Variants in GBE1 observed in about 807,000 individuals in gnomAD.
GBE1 encodes the protein 1,4-alpha-glucan branching enzyme 1, also known as 1,4-alpha-glucan-branching enzyme.
A neutral mutation model predicts 88.8 loss-of-function variants in GBE1; 70 were observed. That is an observed-to-expected ratio of 0.79 (90% CI 0.65 to 0.96). The LOEUF is 0.96. GBE1 is among the 40% of genes least tolerant of loss of function. The pLI is 0.00. For synonymous variants in GBE1, 284 were observed against 300.1 expected, an observed-to-expected ratio of 0.95 and a Z score of 0.56; for missense variants, 872 against 871.0, an observed-to-expected ratio of 1.00 and a Z score of -0.01.
chr3:81,495,654 G>A (rs1446459218), intron 15 of GBE1, among the ~76,000 whole-genome samples: 1 of 151,998 alleles, frequency 6.6e-6, no homozygotes, highest in Non-Finnish European at 1.5e-5. Flanking sequence ...ATGTATATTA[G>A]CTCATCTAAC....
At position 81,614,154 on chromosome 3, in the gene GBE1, A is replaced by G. The variant is rs1176178701; in HGVS notation, c.993-20131T>C. Among the ~76,000 whole-genome samples the G allele has an allele frequency of 3.3e-5, 5 of 152,192 alleles. No homozygotes were observed. The East Asian group carries it at 7.7e-4, about 23-fold the overall frequency. ...CTCAGCCTCCCAAGTAGTTGGGACT[A>G]CAGGTGCACACCACCACTCTTGCTT... On this transcript the variant is annotated intron_variant, in intron 7 of 15. Coordinates refer to ENST00000429644, the MANE Select transcript of GBE1 (RefSeq NM_000158.4).
intron 7 of GBE1, chr3:81,612,396 T>C (rs1323984528): frequency 2.4e-6 from 2 of 833,800 alleles, no homozygotes; most frequent in Non-Finnish European, 4.0e-6. Context: ...TGAAATTCTT[T>C]GGGAATAATT....
intron 3 of GBE1, among the ~76,000 whole-genome samples, chr3:81,664,311 GAGA>G (rs1226791516): frequency 6.6e-6 from 1 of 152,026 alleles, no homozygotes; most frequent in Non-Finnish European, 1.5e-5. Context: ...ATAAGTTTGA[GAGA>G]AGAAGTGGAA....
At position 81,693,443 on chromosome 3, in the gene GBE1, A is replaced by T. The variant is rs186706402; in HGVS notation, c.313+12001T>A. ...TCACATAATGGCCACAACTACTTATAATAACATCAAAATTTCAATTTAATG... is the reference window on the plus strand; with the variant it reads ...TCACATAATGGCCACAACTACTTATTATAACATCAAAATTTCAATTTAATG... On this transcript the variant is annotated intron_variant, in intron 2 of 15. Coordinates refer to ENST00000429644, the MANE Select transcript of GBE1 (RefSeq NM_000158.4). Among the ~76,000 whole-genome samples, 3 of 152,262 alleles carry T rather than the reference A, an allele frequency of 2.0e-5. No homozygotes were observed. The East Asian group carries it at 5.8e-4, about 29-fold the overall frequency.
chr3:81,502,336 T>C (rs970862914), intron 14 of GBE1, among the ~76,000 whole-genome samples: 10 of 152,172 alleles, frequency 6.6e-5, no homozygotes, highest in Non-Finnish European at 1.0e-4. Context: ...ATATAATTGG[T>C]AGCCATAAAG....
intron 3 of GBE1, among the ~76,000 whole-genome samples, chr3:81,666,958 T>C (rs1051671607): frequency 1.3e-5 from 2 of 152,210 alleles, no homozygotes; most frequent in South Asian, 2.1e-4. Flanking sequence ...AAAAGACTTA[T>C]AGTATTTAGA....
At chr3:81,643,153 T>C (rs1704714857) in intron 6 of GBE1, among the ~76,000 whole-genome samples, 163 bp from the exon 7 acceptor site, 1 of 152,160 alleles carries the variant, frequency 6.6e-6, no homozygotes, top group South Asian at 2.1e-4. Flanking sequence ...ATATCAAATA[T>C]TAAGCAAATT....
At chr3:81,701,554 G>A (rs1705686530) in intron 2 of GBE1, among the ~76,000 whole-genome samples, 1 of 151,704 alleles carries the variant, frequency 6.6e-6, no homozygotes, top group African/African-American at 2.4e-5. Context: ...CTGTAGCACT[G>A]ATTAAGGTAC....
chr3:81,750,645 GTATATATATATATGTATA>G lies in GBE1; in HGVS notation c.143+10712_143+10729del, dbSNP rs1298148254. ...TATATATATACGTATATATATATATGTATATATATATATGTATATATATATATACGTATATATATATAT... is the reference window on the plus strand; with the variant it reads ...TATATATATACGTATATATATATATGTATATATATACGTATATATATATAT... On this transcript the variant is annotated intron_variant, in intron 1 of 15. Transcript: ENST00000429644. Among the ~76,000 whole-genome samples, 22 of 47,716 alleles carry G rather than the reference GTATATATATATATGTATA, an allele frequency of 4.6e-4. 1 individual carries two copies. The highest frequency in any genetic ancestry group is 1.9e-3 in the Admixed American group (7 of 3,594). The allele number at this position is 47,716 out of a possible 152,430, so 31.3% of individuals were successfully genotyped here. A position where few individuals can be genotyped will look rare whatever the true frequency, so the allele number is the denominator to read the frequency against.
chr3:81,753,090 T>C lies in GBE1; in HGVS notation c.143+8285A>G, dbSNP rs115502673. On this transcript the variant is annotated intron_variant, in intron 1 of 15. Transcript: ENST00000429644. ...TAATTTTCCCTAGGACTCAAAGCTA[T>C]TTAATAGTTATAAGAGCTAAAATTT... Among the ~76,000 whole-genome samples, 1,409 of 152,296 alleles carry C rather than the reference T, an allele frequency of 9.3e-3. 13 individuals carry two copies. The highest frequency in any genetic ancestry group is 0.031 in the Middle Eastern group (9 of 294).
chr3:81,710,196 A>G (rs1391229347), intron 1 of GBE1, among the ~76,000 whole-genome samples: 1 of 146,210 alleles, frequency 6.8e-6, no homozygotes, highest in African/African-American at 2.5e-5. Context: ...TTTTAAAGAA[A>G]GTTATTTATG....
rs567702033 is a variant in GBE1, at chr3:81,648,935, C to T, written c.612G>A (p.Val204=). 9.5e-6 allele frequency: 15 copies of T among 1,583,312 alleles called. No individual in the cohort carries two copies. The South Asian group carries it at 1.0e-4, about 11-fold the overall frequency. The change falls in exon 5 of 16, where the codon GTG becomes GTA. Residue 204 remains valine (V), a synonymous_variant. Transcript: ENST00000429644. ...PRSLRIYESH[V]GISSHEGKVA... ...CTTTTCCTTCATGGGAAGAAATTCC[C>T]ACATGAGATTCATAAATTCTTAGAC... is the stretch of plus-strand genomic sequence containing the variant.
chr3:81,587,481 C>T (rs924166813), intron 9 of GBE1, among the ~76,000 whole-genome samples: 2 of 152,040 alleles, frequency 1.3e-5, no homozygotes, highest in Admixed American at 6.6e-5. Flanking sequence ...TGAGACAGTC[C>T]GCTCCTATTA....
At chr3:81,556,218 T>C (rs1480551966) in intron 12 of GBE1, among the ~76,000 whole-genome samples, 1 of 152,124 alleles carries the variant, frequency 6.6e-6, no homozygotes, top group Admixed American at 6.6e-5. Context: ...TCAAATATCT[T>C]ACATATTTAA....
intron 3 of GBE1, among the ~76,000 whole-genome samples, chr3:81,663,068 G>C (rs1400430123): frequency 6.6e-6 from 1 of 152,172 alleles, no homozygotes; most frequent in African/African-American, 2.4e-5. Context: ...TGATATGGAA[G>C]TGCTAGGAAG....
At chr3:81,494,899 A>G (rs563831158) in intron 15 of GBE1, among the ~76,000 whole-genome samples, 1 of 151,008 alleles carries the variant, frequency 6.6e-6, no homozygotes, top group East Asian at 1.9e-4. Flanking sequence ...CTAGGACTGT[A>G]TTTTCCTCTA....
rs183721766 is a variant in GBE1 at position 81,695,125 on chromosome 3, G to A, written c.313+10319C>T. On this transcript the variant is annotated intron_variant, in intron 2 of 15. Coordinates refer to ENST00000429644, the MANE Select transcript of GBE1 (RefSeq NM_000158.4). Reference sequence around the variant, plus strand: ...ATTTTAATCCCCTCAACCTTCACTAGTCGAGAAGTTGATTGGTGAGCCAAG... The same window carrying A: ...ATTTTAATCCCCTCAACCTTCACTAATCGAGAAGTTGATTGGTGAGCCAAG... Among the ~76,000 whole-genome samples the A allele has an allele frequency of 3.0e-4, 45 of 152,234 alleles. No homozygotes were observed. The East Asian group carries it at 8.7e-3, about 29-fold the overall frequency.
intron 1 of GBE1, among the ~76,000 whole-genome samples, chr3:81,721,820 T>C (rs976788959): frequency 2.6e-5 from 4 of 152,210 alleles, no homozygotes; most frequent in African/African-American, 9.6e-5. Flanking sequence ...CAATAACTGA[T>C]ACTGATTATT....
chr3:81,687,167 TATCATTC>T (rs1705454012), intron 2 of GBE1, among the ~76,000 whole-genome samples: 2 of 152,222 alleles, frequency 1.3e-5, no homozygotes, highest in Admixed American at 1.3e-4. Context: ...TAGTCTATGG[TATCATTC>T]TAGAAATCTG....
Sources: allele counts gnomAD v4.1 joint callset (sites outside exome capture counted in the v4.1 genomes callset), GRCh38; gene constraint gnomAD v4.1.1; transcripts MANE v1.5; gene names NCBI Gene and HGNC (gene_info 2026-07-23, HGNC 2026-07-21).